Variants in GRIK4 observed in about 807,000 individuals in gnomAD.
GRIK4 encodes glutamate ionotropic receptor kainate type subunit 4.
Under a neutral mutation model 104.9 loss-of-function variants are expected in GRIK4, and 40 were observed. The ratio of observed to expected loss-of-function variants is 0.38; its 90% CI spans 0.30 to 0.50. The LOEUF (loss-of-function observed/expected upper bound fraction) is 0.50. GRIK4 is among the 20% of genes least tolerant of loss of function. The probability of loss-of-function intolerance (pLI) is 0.93; values close to 1 mark genes in which losing one functional copy is unlikely to be tolerated. For missense variants in GRIK4, 1,047 were observed against 1,308.1 expected, an observed-to-expected ratio of 0.80 and a Z score of 3.08; for synonymous variants, 485 against 524.9, an observed-to-expected ratio of 0.92 and a Z score of 1.04.
chr11:120,714,481 G>A (rs1283636537), intron 3 of GRIK4, among the ~76,000 whole-genome samples: 2 of 152,224 alleles, frequency 1.3e-5, no homozygotes, highest in Admixed American at 1.3e-4. Context: ...GGTACATGGG[G>A]AGAAGTGGTT....
At chr11:120,738,527 T>G (rs1013567970) in intron 3 of GRIK4, among the ~76,000 whole-genome samples, 1 of 152,168 alleles carries the variant, frequency 6.6e-6, no homozygotes, top group Non-Finnish European at 1.5e-5. Flanking sequence ...CTGAAGTCCA[T>G]CACCGTTCAT....
intron 3 of GRIK4, among the ~76,000 whole-genome samples, chr11:120,784,914 G>A (rs1815952): frequency 0.2 from 29,962 of 152,050 alleles, 3,807 homozygotes; most frequent in African/African-American, 0.35. Flanking sequence ...TGCCTGGCGT[G>A]AGGTCGGCGC....
intron 8 of GRIK4, among the ~76,000 whole-genome samples, chr11:120,844,760 A>G (rs1953809950): frequency 1.3e-5 from 2 of 152,192 alleles, no homozygotes; most frequent in Non-Finnish European, 2.9e-5. Flanking sequence ...GACAGATTTG[A>G]AGTCAACGTT....
intron 3 of GRIK4, among the ~76,000 whole-genome samples, chr11:120,735,515 C>T (rs1334773670): frequency 5.9e-5 from 9 of 152,142 alleles, no homozygotes; most frequent in Admixed American, 5.9e-4. Flanking sequence ...CTGGGTCTCA[C>T]CCAAGGCCCA....
intron 14 of GRIK4, among the ~76,000 whole-genome samples, chr11:120,950,903 A>C (rs1565457853): frequency 6.6e-6 from 1 of 152,118 alleles, no homozygotes; most frequent in Non-Finnish European, 1.5e-5. Flanking sequence ...CCCTTCCCTA[A>C]GTTACTGGGT....
At chr11:120,874,912 T>C (rs1016932332) in intron 10 of GRIK4, among the ~76,000 whole-genome samples, 8 of 152,142 alleles carry the variant, frequency 5.3e-5, no homozygotes, top group African/African-American at 9.7e-5. Flanking sequence ...TATGGGGTTA[T>C]TGGGGGAGCA....
intron 3 of GRIK4, among the ~76,000 whole-genome samples, chr11:120,764,589 T>G (rs1951800297): frequency 1.4e-5 from 2 of 139,718 alleles, no homozygotes; most frequent in Non-Finnish European, 3.0e-5. Context: ...TACCAGTTTT[T>G]TGTTTTTGTT....
In GRIK4 at chr11:120,940,362, G is replaced by A. The variant is rs745701919; in HGVS notation, c.1492G>A (p.Val498Met). The A allele has an allele frequency of 5.0e-6, 8 of 1,611,406 alleles. No individual in the cohort carries two copies. The highest frequency in any genetic ancestry group is 1.6e-4 in the Middle Eastern group (1 of 6,074). The change falls in exon 14 of 21, where the codon GTG becomes ATG. Residue 498 changes from valine (V) to methionine (M), a missense_variant. Coordinates refer to ENST00000527524, the MANE Select transcript of GRIK4 (RefSeq NM_014619.5). The surrounding 1 kb of genome is among the most constrained non-coding windows in gnomAD (Gnocchi z 4.3). ...ELIARKADLA[V>M]AGLTITAERE... ...TTCTTTTCAGAAAGCAGATCTGGCTGTGGCAGGCCTCACCATTACAGCTGA... is the reference window on the plus strand; with the variant it reads ...TTCTTTTCAGAAAGCAGATCTGGCTATGGCAGGCCTCACCATTACAGCTGA...
At chr11:120,979,554 C>A (rs903318224) in intron 19 of GRIK4, among the ~76,000 whole-genome samples, 2 of 152,110 alleles carry the variant, frequency 1.3e-5, no homozygotes, top group Non-Finnish European at 2.9e-5. Flanking sequence ...TCAAAAAGCT[C>A]GGCCATGGAA....
rs543259225 is a variant in GRIK4 at position 120,695,848 on chromosome 11, T to G, written c.82+35448T>G. ...GAGGGCAGCCAAGGACCCAACTGAGTGCAGCCTCTGGAAGGAGCAATTGAA... is the reference window on the plus strand; with the variant it reads ...GAGGGCAGCCAAGGACCCAACTGAGGGCAGCCTCTGGAAGGAGCAATTGAA... On this transcript the variant is annotated intron_variant, in intron 3 of 20. Coordinates refer to ENST00000527524, the MANE Select transcript of GRIK4 (RefSeq NM_014619.5). Among the ~76,000 whole-genome samples, 9 of 152,288 alleles carry G rather than the reference T, an allele frequency of 5.9e-5. No individual in the cohort carries two copies. In the East Asian group the frequency reaches 1.7e-3, roughly 29 times the overall value.
At chr11:120,621,253 T>G (rs1402116769) in intron 1 of GRIK4, among the ~76,000 whole-genome samples, 1 of 152,214 alleles carries the variant, frequency 6.6e-6, no homozygotes, top group Non-Finnish European at 1.5e-5. Flanking sequence ...TCTCCTTAGT[T>G]AAGCCTTTCA....
intron 3 of GRIK4, among the ~76,000 whole-genome samples, chr11:120,742,556 C>T (rs1235178436): frequency 2.7e-5 from 4 of 147,246 alleles, no homozygotes; most frequent in African/African-American, 7.6e-5. Flanking sequence ...CTTGCTCTTT[C>T]GCCCAGGCCG....
chr11:120,904,721 G>A (rs969025485), intron 12 of GRIK4, among the ~76,000 whole-genome samples: 1 of 152,156 alleles, frequency 6.6e-6, no homozygotes, highest in Non-Finnish European at 1.5e-5. Context: ...CCTTGATTGT[G>A]CCTTCCCCTG....
intron 13 of GRIK4, among the ~76,000 whole-genome samples, chr11:120,909,743 A>G (rs1942951679): frequency 6.6e-6 from 1 of 152,158 alleles, no homozygotes; most frequent in Non-Finnish European, 1.5e-5. Context: ...GAGTTTGGGG[A>G]ATATGGTGAC....
At chr11:120,868,483 C>G (rs771219290) in intron 9 of GRIK4, 1 of 124,852 alleles carries the variant, frequency 8.0e-6, no homozygotes, top group Non-Finnish European at 1.5e-5. Context: ...CATGGAAAGA[C>G]AGAAAGGAAA....
At chr11:120,657,445 C>G (rs1277114090) in intron 2 of GRIK4, among the ~76,000 whole-genome samples, 1 of 152,186 alleles carries the variant, frequency 6.6e-6, no homozygotes, top group Non-Finnish European at 1.5e-5. Flanking sequence ...CTTTATCTTC[C>G]TCTGTCTTCC....
Position 120,549,596 on chromosome 11 carries a change from G to A in GRIK4, c.-159+37709G>A, listed in dbSNP as rs917848359. 9.2e-5 allele frequency among the ~76,000 whole-genome samples: 14 copies of A among 152,198 alleles called. No individual in the cohort carries two copies. Among genetic ancestry groups the A allele is most frequent in the Admixed American group, 5.9e-4 (9 of 15,280 alleles). ...AGGGGCACAGCAGGCACCCCCTCCC[G>A]GAGCCTGGCTAGGGCGTGTGCAACA... On this transcript the variant is annotated intron_variant, in intron 1 of 20. Transcript: ENST00000527524. This position sits in a 1 kb window ranked among gnomAD's most constrained non-coding sequence, Gnocchi z 4.7.
At chr11:120,926,408 T>C (rs1383706177) in intron 13 of GRIK4, among the ~76,000 whole-genome samples, 3 of 152,226 alleles carry the variant, frequency 2.0e-5, no homozygotes, top group Admixed American at 6.5e-5. Context: ...ACATTCCCTA[T>C]GTTTCAGGCA....
intron 3 of GRIK4, among the ~76,000 whole-genome samples, chr11:120,788,369 T>C (rs554036313): frequency 6.6e-6 from 1 of 152,146 alleles, no homozygotes; most frequent in African/African-American, 2.4e-5. Flanking sequence ...CTATATGTTC[T>C]TGTATGTGTC....
Sources: allele counts gnomAD v4.1 joint callset (sites outside exome capture counted in the v4.1 genomes callset), GRCh38; gene constraint gnomAD v4.1.1; non-coding constraint Gnocchi (gnomAD v3.1); transcripts MANE v1.5; gene names NCBI Gene and HGNC (gene_info 2026-07-23, HGNC 2026-07-21).